RAB1A: variants seen among roughly 807,000 people sequenced by gnomAD.
The protein encoded by RAB1A is RAB1A, member RAS oncogene family.
A neutral mutation model predicts 26.0 loss-of-function variants in RAB1A; 2 were observed. That is an observed-to-expected ratio of 0.08 (90% CI 0.03 to 0.24). RAB1A has a LOEUF of 0.24. RAB1A is among the 10% of genes least tolerant of loss of function. The pLI, the probability that RAB1A is intolerant of heterozygous loss-of-function variation, is 1.00. For synonymous variants in RAB1A, 84 were observed against 84.9 expected (o/e 0.99, Z 0.06); for missense variants, 100 against 247.0 (o/e 0.40, Z 3.99).
chr2:65,103,828 G>C (rs1299637033), intron 2 of RAB1A, among the ~76,000 whole-genome samples: 1 of 151,714 alleles, frequency 6.6e-6, no homozygotes, highest in Non-Finnish European at 1.5e-5. Flanking sequence ...TGCCAGGCTG[G>C]AGTGCAGTGG....
intron 3 of RAB1A, among the ~76,000 whole-genome samples, chr2:65,094,773 G>T (rs1669246368): frequency 6.6e-6 from 1 of 151,986 alleles, no homozygotes; most frequent in Non-Finnish European, 1.5e-5. Context: ...TACCTCATGT[G>T]TTATATCTCA....
chr2:65,109,530 C>T (rs1486862525), intron 1 of RAB1A, among the ~76,000 whole-genome samples: 3 of 150,848 alleles, frequency 2.0e-5, no homozygotes, highest in Non-Finnish European at 4.4e-5. Context: ...ATGGTGAAAC[C>T]CCGTCTCTAC....
chr2:65,103,422 T>A (rs2103846260), intron 2 of RAB1A, among the ~76,000 whole-genome samples: 1 of 152,140 alleles, frequency 6.6e-6, no homozygotes, highest in Non-Finnish European at 1.5e-5. Flanking sequence ...TCAAGGACAA[T>A]CTTCAATAAA....
chr2:65,115,012 C>A (rs1292944476), intron 1 of RAB1A, among the ~76,000 whole-genome samples: 1 of 152,206 alleles, frequency 6.6e-6, no homozygotes, highest in African/African-American at 2.4e-5. Context: ...GTTCAAGCCC[C>A]TTCTTGCTCT....
chr2:65,129,754 G>A, intron 1 of RAB1A, 139 bp downstream of exon 1: 1 of 1,362,092 alleles, frequency 7.3e-7, no homozygotes, highest in Non-Finnish European at 1.0e-6. Flanking sequence ...CCCGACTCCC[G>A]GCCGCCAGCC....
At chr2:65,126,397 C>T (rs558684362) in intron 1 of RAB1A, among the ~76,000 whole-genome samples, 3 of 151,762 alleles carry the variant, frequency 2.0e-5, no homozygotes, top group African/African-American at 7.3e-5. Flanking sequence ...AATCCCAACA[C>T]TTTGGGAGGC....
At chr2:65,108,052 G>C (rs1669603259) in intron 1 of RAB1A, among the ~76,000 whole-genome samples, 1 of 101,666 alleles carries the variant, frequency 9.8e-6, no homozygotes, top group African/African-American at 3.1e-5. Context: ...CAAAAGAGGA[G>C]TCTCAAAAAA....
intron 2 of RAB1A, among the ~76,000 whole-genome samples, chr2:65,102,980 C>T (rs1210993207): frequency 6.6e-6 from 1 of 151,536 alleles, no homozygotes; most frequent in Non-Finnish European, 1.5e-5. Context: ...GTTAGCTCAG[C>T]TTACAACTCA....
chr2:65,108,206 AC>A (rs1669608772), intron 1 of RAB1A, among the ~76,000 whole-genome samples: 2 of 151,904 alleles, frequency 1.3e-5, no homozygotes, highest in Admixed American at 1.3e-4. Context: ...TACTAAAAAT[AC>A]AAAAATTAGC....
intron 2 of RAB1A, among the ~76,000 whole-genome samples, chr2:65,103,499 A>G (rs1035031468): frequency 5.3e-5 from 8 of 152,108 alleles, no homozygotes; most frequent in Non-Finnish European, 1.0e-4. Flanking sequence ...CATGAGTACA[A>G]TTTGGAGCTT....
intron 3 of RAB1A, among the ~76,000 whole-genome samples, chr2:65,094,063 G>A (rs759624584): frequency 4.6e-5 from 7 of 151,590 alleles, no homozygotes; most frequent in African/African-American, 1.2e-4. Context: ...CTCCATCTCC[G>A]GGCTCAAGCA....
chr2:65,103,808 C>T (rs1481627652), intron 2 of RAB1A, among the ~76,000 whole-genome samples: 1 of 150,904 alleles, frequency 6.6e-6, no homozygotes, highest in Non-Finnish European at 1.5e-5. Context: ...TTGAGACAGT[C>T]TTGCTCTGTT....
chr2:65,106,663 A>C (rs1198438909), intron 1 of RAB1A, among the ~76,000 whole-genome samples: 4 of 147,878 alleles, frequency 2.7e-5, no homozygotes, highest in Non-Finnish European at 4.5e-5. Context: ...AAAATCTTCT[A>C]AACAAGTAAA....
intron 1 of RAB1A, among the ~76,000 whole-genome samples, chr2:65,119,406 C>T (rs958919205): frequency 1.3e-5 from 2 of 151,732 alleles, no homozygotes; most frequent in African/African-American, 4.8e-5. Context: ...ACTCAGGAGG[C>T]TGAGGCAGGA....
rs993369802 is a variant in RAB1A, at chr2:65,088,815, A to T, written c.420+124T>A. 2.2e-5 allele frequency: 29 copies of T among 1,320,336 alleles called. No homozygotes were observed. In the African/African-American group the frequency reaches 4.0e-4, roughly 18 times the overall value. The allele number at this position is 1,320,336 out of a possible 1,614,324, so 81.8% of individuals were successfully genotyped here. ...TTGGATCCAAACAGATGCTACACAA[A>T]TTGTCACTGTCACAGTATTCTAGTG... On this transcript the variant is annotated intron_variant, in intron 5 of 5. Transcript: ENST00000409784.
intron 1 of RAB1A, among the ~76,000 whole-genome samples, chr2:65,124,439 T>C (rs1178351261): frequency 6.6e-6 from 1 of 151,842 alleles, no homozygotes; most frequent in Non-Finnish European, 1.5e-5. Context: ...TTTCAGTTGT[T>C]ATCTTCATTT....
chr2:65,119,863 A>AAC (rs1669917492), intron 1 of RAB1A, among the ~76,000 whole-genome samples: 1 of 149,032 alleles, frequency 6.7e-6, no homozygotes, highest in Non-Finnish European at 1.5e-5. Context: ...AAAAAAAAAA[A>AAC]AAATTAATTA....
chr2:65,113,881 T>C (rs1180457117), intron 1 of RAB1A, among the ~76,000 whole-genome samples: 2 of 152,204 alleles, frequency 1.3e-5, no homozygotes, highest in East Asian at 3.8e-4. Flanking sequence ...GGATTGACGG[T>C]TTCTTCTTTA....
chr2:65,093,912 G>A (rs113413623), intron 3 of RAB1A, among the ~76,000 whole-genome samples: 17,104 of 151,664 alleles, frequency 0.11, 1,158 homozygotes, highest in South Asian at 0.19. Context: ...GTGAGCCACC[G>A]TGCCCGGCCT....
Sources: allele counts gnomAD v4.1 joint callset (sites outside exome capture counted in the v4.1 genomes callset), GRCh38; gene constraint gnomAD v4.1.1; transcripts MANE v1.5; gene names NCBI Gene and HGNC (gene_info 2026-07-23, HGNC 2026-07-21).